Variants in NPIPB6 observed in about 807,000 individuals in gnomAD.
NPIPB6 encodes the protein nuclear pore complex-interacting protein family member B6.
A neutral mutation model predicts 20.0 loss-of-function variants in NPIPB6; 2 were observed. That is an observed-to-expected ratio of 0.10 (90% CI 0.04 to 0.31). NPIPB6 has a LOEUF of 0.31. Among genes scored for constraint, NPIPB6 ranks in the 10% least tolerant of loss-of-function variants. The pLI, the probability that NPIPB6 is intolerant of heterozygous loss-of-function variation, is 1.00. For synonymous variants in NPIPB6, 35 were observed against 116.3 expected, an observed-to-expected ratio of 0.30 and a Z score of 4.50; for missense variants, 96 against 293.7, an observed-to-expected ratio of 0.33 and a Z score of 4.92.
chr16:28,348,221 C>G (rs1366304434), intron 4 of NPIPB6, among the ~76,000 whole-genome samples: 2 of 112,752 alleles, frequency 1.8e-5, no homozygotes, highest in Admixed American at 2.0e-4. Flanking sequence ...TTGCAGTGAG[C>G]CAAGATTGCA....
At chr16:28,349,610 C>T (rs1196162379) in intron 2 of NPIPB6, among the ~76,000 whole-genome samples, 1 of 98,058 alleles carries the variant, frequency 1.0e-5, no homozygotes, top group Non-Finnish European at 2.2e-5. Context: ...TGACATGAGG[C>T]TGGCACGGTG....
intron 1 of NPIPB6, among the ~76,000 whole-genome samples, chr16:28,361,395 GC>G: frequency 6.7e-6 from 1 of 148,486 alleles, no homozygotes; most frequent in South Asian, 2.1e-4. Context: ...TTCTTTCATA[GC>G]CAGTGTTTTT....
At chr16:28,348,037 G>C (rs1406656837) in intron 4 of NPIPB6, among the ~76,000 whole-genome samples, 3 of 119,024 alleles carry the variant, frequency 2.5e-5, no homozygotes, top group African/African-American at 8.7e-5. Flanking sequence ...TTGAACCTGG[G>C]AGGTGGAGGT....
At chr16:28,348,097 G>A (rs2045129316) in intron 4 of NPIPB6, among the ~76,000 whole-genome samples, 1 of 108,774 alleles carries the variant, frequency 9.2e-6, no homozygotes, top group East Asian at 2.3e-4. Context: ...GTGACAGAGT[G>A]AGACTCTGTC....
At chr16:28,359,500 G>GATAGGAGGAAGC (rs1165943269) in intron 1 of NPIPB6, among the ~76,000 whole-genome samples, 7 of 140,518 alleles carry the variant, frequency 5.0e-5, no homozygotes, top group African/African-American at 1.9e-4. Context: ...ACCGTCTGAG[G>GATAGGAGGAAGC]ATAGGAGGAA....
At chr16:28,346,244 C>A (rs2045079008) in intron 4 of NPIPB6, 1 of 808,298 alleles carries the variant, frequency 1.2e-6, no homozygotes, top group Non-Finnish European at 1.5e-6. Context: ...TGTGAAAAAC[C>A]AGACCTCACC....
chr16:28,351,099 GCTA>G (rs2045220344), intron 2 of NPIPB6, among the ~76,000 whole-genome samples: 1 of 106,592 alleles, frequency 9.4e-6, no homozygotes, highest in Non-Finnish European at 2.2e-5. Flanking sequence ...CAATCCCACA[GCTA>G]CTACTAGATT....
intron 1 of NPIPB6, among the ~76,000 whole-genome samples, chr16:28,359,093 A>G (rs1462621785): frequency 7.3e-6 from 1 of 136,266 alleles, no homozygotes; most frequent in Non-Finnish European, 1.5e-5. Flanking sequence ...TCTCAAAAAG[A>G]AAAAAAAAAA....
chr16:28,361,804 A>G (rs2045445516), intron 1 of NPIPB6, among the ~76,000 whole-genome samples: 1 of 145,344 alleles, frequency 6.9e-6, no homozygotes, highest in African/African-American at 2.5e-5. Context: ...ATAAATCTCA[A>G]AAATAAAAGA....
In NPIPB6 at chr16:28,351,648, G is replaced by C. The variant is rs867658535; in HGVS notation, c.303+1231C>G. On this transcript the variant is annotated intron_variant, in intron 2 of 6. Coordinates refer to ENST00000532254, the Ensembl canonical transcript of NPIPB6. ...CAACAGAGGGAGACTCGTCTCGGGG[G>C]TGAGAAAAGAAAAAAAAAAAAAAAA... Among the ~76,000 whole-genome samples, 19 of 111,166 alleles carry C rather than the reference G, an allele frequency of 1.7e-4. No homozygotes were observed. The South Asian group carries it at 3.1e-3, about 18-fold the overall frequency. 72.9% of individuals were successfully genotyped at this position (111,166 alleles called of 152,430 possible).
chr16:28,361,770 A>G (rs60465954), intron 1 of NPIPB6, among the ~76,000 whole-genome samples: 28,932 of 67,174 alleles, frequency 0.43, 4,034 homozygotes, highest in East Asian at 0.53. Flanking sequence ...GTGTGTGTGT[A>G]TGTGTGTGTG....
intron 1 of NPIPB6, among the ~76,000 whole-genome samples, chr16:28,362,102 A>ATTTTTTTT (rs765651989): frequency 7.6e-6 from 1 of 131,570 alleles, no homozygotes; most frequent in African/African-American, 2.9e-5. Context: ...TTGCAGGATA[A>ATTTTTTTT]TTTTTTTTTT....
At position 28,343,210 on chromosome 16, in the gene NPIPB6, T is replaced by C. The variant is rs767562853; in HGVS notation, c.697-22A>G. The C allele has an allele frequency of 8.9e-6, 14 of 1,580,458 alleles. 1 individual carries two copies. In the East Asian group the frequency reaches 2.5e-4, roughly 28 times the overall value. On this transcript the variant is annotated intron_variant, in intron 6 of 6. Coordinates refer to ENST00000532254, the Ensembl canonical transcript of NPIPB6. ...TGACCTGTAGGGCCAAAGGAGGGAA[T>C]GTTTTCACACATATTCATTTGATGG... is the stretch of plus-strand genomic sequence containing the variant.
chr16:28,347,929 G>A (rs1454397594), intron 4 of NPIPB6, among the ~76,000 whole-genome samples: 1 of 113,654 alleles, frequency 8.8e-6, no homozygotes, highest in Non-Finnish European at 2.0e-5. Context: ...GGCCAATATG[G>A]TGAAACCCCG....
intron 4 of NPIPB6, among the ~76,000 whole-genome samples, chr16:28,348,059 A>G (rs1596568733): frequency 8.6e-6 from 1 of 116,444 alleles, no homozygotes. Context: ...GCAGTGAGCC[A>G]AGATCATGCC....
rs868037081 is a variant in NPIPB6 at position 28,350,089 on chromosome 16, C to A, written c.304-848G>T. Among the ~76,000 whole-genome samples, 3 of 94,124 alleles carry A rather than the reference C, an allele frequency of 3.2e-5. 1 individual carries two copies. The East Asian group carries it at 9.8e-4, about 31-fold the overall frequency. 61.7% of individuals were successfully genotyped at this position (94,124 alleles called of 152,430 possible). ...ATGCACGCCTGTAGTCCCAGCTACT[C>A]GGGAGGCTGAGGCAGGAGAACTGCT... On this transcript the variant is annotated intron_variant, in intron 2 of 6. Coordinates refer to ENST00000532254, the Ensembl canonical transcript of NPIPB6.
chr16:28,349,970 G>A lies in NPIPB6; in HGVS notation c.304-729C>T, dbSNP rs1407254115. Among the ~76,000 whole-genome samples the A allele has an allele frequency of 3.5e-4, 36 of 103,734 alleles. 1 individual carries two copies. The highest frequency in any genetic ancestry group is 4.7e-4 in the Non-Finnish European group (22 of 46,386). The allele number at this position is 103,734 out of a possible 152,430, so 68.1% of individuals were successfully genotyped here. On this transcript the variant is annotated intron_variant, in intron 2 of 6. Coordinates refer to ENST00000532254, the Ensembl canonical transcript of NPIPB6. Reference sequence around the variant, plus strand: ...TCCCAGCACTTTGGGAGGCTGAGGCGGGTGAATCACAAGGTCAAGAGATGG... The same window carrying A: ...TCCCAGCACTTTGGGAGGCTGAGGCAGGTGAATCACAAGGTCAAGAGATGG...
chr16:28,346,403 C>T lies in NPIPB6; in HGVS notation c.600-1650G>A, dbSNP rs968538017. ...CTTCCAGAATATGGTGTCATTAACC[C>T]CGCAGTTCACTACTGCACTTTGCCA... On this transcript the variant is annotated intron_variant, in intron 4 of 6. Coordinates refer to ENST00000532254, the Ensembl canonical transcript of NPIPB6. 2.6e-5 allele frequency among the ~76,000 whole-genome samples: 3 copies of T among 116,396 alleles called. 1 individual carries two copies. 76.4% of individuals were successfully genotyped at this position (116,396 alleles called of 152,430 possible).
chr16:28,360,292 CTT>C (rs1224379820), intron 1 of NPIPB6, among the ~76,000 whole-genome samples: 3 of 126,406 alleles, frequency 2.4e-5, no homozygotes, highest in African/African-American at 8.2e-5. Context: ...AATTTTTACT[CTT>C]GATATCCTTC....
Sources: gnomAD v4.1 joint callset for allele counts (sites outside exome capture counted in the v4.1 genomes callset) on GRCh38, gnomAD v4.1.1 for gene constraint, MANE v1.5 for transcripts, NCBI Gene and HGNC (gene_info 2026-07-23, HGNC 2026-07-21) for gene names.